ESCO1: variants seen among roughly 807,000 people sequenced by gnomAD.
The protein encoded by ESCO1 is N-acetyltransferase ESCO1.
In ESCO1, 33 loss-of-function variants were observed where a neutral mutation model predicts 83.5. The observed-to-expected ratio is 0.40, with a 90% CI of 0.30 to 0.53. The LOEUF is 0.53. Among genes scored for constraint, ESCO1 ranks in the 20% least tolerant of loss-of-function variants. The pLI, the probability that ESCO1 is intolerant of heterozygous loss-of-function variation, is 0.63. For synonymous variants in ESCO1, 332 were observed against 324.3 expected (o/e 1.02, Z -0.25); for missense variants, 855 against 968.0 (o/e 0.88, Z 1.55).
In ESCO1 at chr18:21,539,005, C is replaced by A. The variant is rs117760444; in HGVS notation, c.2043+915G>T. Among the ~76,000 whole-genome samples the A allele has an allele frequency of 7.1e-3, 1,081 of 151,940 alleles. 8 individuals are homozygous for A. The Middle Eastern group carries it at 0.075, about 11-fold the overall frequency. On this transcript the variant is annotated intron_variant, in intron 9 of 11. Transcript: ENST00000269214. ...ATTCATTATCTGGTTCACTTCTCAA[C>A]ACAATAAACTCTCTGAACACTTGAA...
At chr18:21,543,266 T>C (rs1234921784) in intron 8 of ESCO1, among the ~76,000 whole-genome samples, 1 of 152,182 alleles carries the variant, frequency 6.6e-6, no homozygotes, top group Non-Finnish European at 1.5e-5. Flanking sequence ...GCAATTCTCC[T>C]GCCTCAGCCT....
At chr18:21,566,793 G>A (rs2038267509) in intron 5 of ESCO1, among the ~76,000 whole-genome samples, 1 of 151,568 alleles carries the variant, frequency 6.6e-6, no homozygotes, top group African/African-American at 2.4e-5. Flanking sequence ...CTGGGAGGCA[G>A]AGGTGGCAGT....
At chr18:21,595,364 C>CAAAA (rs781532392) in intron 1 of ESCO1, among the ~76,000 whole-genome samples, 3 of 43,738 alleles carry the variant, frequency 6.9e-5, no homozygotes, top group Admixed American at 2.5e-4. Flanking sequence ...AACTCCGTCT[C>CAAAA]AAAAAAAAAA....
chr18:21,547,798 A>C (rs1421192751), intron 8 of ESCO1, among the ~76,000 whole-genome samples: 1 of 152,210 alleles, frequency 6.6e-6, no homozygotes, highest in Non-Finnish European at 1.5e-5. Context: ...TAAAAGAAAA[A>C]TATTCATAGA....
chr18:21,530,508 G>A lies in ESCO1; in HGVS notation c.2376-18C>T. The A allele has an allele frequency of 2.8e-6, 4 of 1,428,788 alleles. No individual in the cohort carries two copies. Among genetic ancestry groups the A allele is most frequent in the Admixed American group, 2.3e-5 (1 of 44,234 alleles). The allele number at this position is 1,428,788 out of a possible 1,614,324, so 88.5% of individuals were successfully genotyped here. A position where few individuals can be genotyped will look rare whatever the true frequency, so the allele number is the denominator to read the frequency against. On this transcript the variant is annotated intron_variant, in intron 11 of 11. Transcript: ENST00000269214. ...AGTTACTCCTATTAAAAAAAAATGG[G>A]GGGGGGGAAGGGTTAAGTGTGAAAT... is the stretch of plus-strand genomic sequence containing the variant.
At chr18:21,557,581 A>T (rs541658799) in intron 8 of ESCO1, among the ~76,000 whole-genome samples, 2 of 152,356 alleles carry the variant, frequency 1.3e-5, no homozygotes, top group East Asian at 3.9e-4. Flanking sequence ...CTAAACTTGA[A>T]GGAAAGGGCA....
At chr18:21,584,095 G>T (rs897080229) in intron 2 of ESCO1, among the ~76,000 whole-genome samples, 2 of 152,160 alleles carry the variant, frequency 1.3e-5, no homozygotes, top group African/African-American at 4.8e-5. Context: ...TAATAGTGAT[G>T]ATTTCTAAAC....
intron 5 of ESCO1, among the ~76,000 whole-genome samples, 182 bp from the exon 6 acceptor site, chr18:21,566,388 G>T (rs1201453750): frequency 6.6e-6 from 1 of 152,170 alleles, no homozygotes; most frequent in Non-Finnish European, 1.5e-5. Flanking sequence ...ACAAAAGGCA[G>T]AAAGGCTGTC....
At chr18:21,546,329 C>G (rs1296823100) in intron 8 of ESCO1, among the ~76,000 whole-genome samples, 1 of 152,006 alleles carries the variant, frequency 6.6e-6, no homozygotes, top group East Asian at 1.9e-4. Context: ...AGGAGGATCA[C>G]TTGAGCCCAG....
intron 1 of ESCO1, among the ~76,000 whole-genome samples, chr18:21,590,782 C>A (rs1478435875): frequency 6.6e-6 from 1 of 151,678 alleles, no homozygotes; most frequent in Non-Finnish European, 1.5e-5. Context: ...ACCATCTCTA[C>A]TAAAAATACA....
At chr18:21,546,467 AG>A (rs1207549665) in intron 8 of ESCO1, among the ~76,000 whole-genome samples, 1 of 152,242 alleles carries the variant, frequency 6.6e-6, no homozygotes, top group African/African-American at 2.4e-5. Context: ...TGTTGACCAT[AG>A]GGCCTAGCAC....
At chr18:21,588,442 C>CT (rs1469192510) in intron 1 of ESCO1, among the ~76,000 whole-genome samples, 2 of 144,650 alleles carry the variant, frequency 1.4e-5, no homozygotes, top group Non-Finnish European at 3.1e-5. Flanking sequence ...TTACTTTACT[C>CT]TAAAAAAAAA....
intron 7 of ESCO1, among the ~76,000 whole-genome samples, chr18:21,561,369 G>A (rs1029517508): frequency 2.0e-5 from 3 of 152,070 alleles, no homozygotes; most frequent in African/African-American, 4.8e-5. Context: ...AGGGTCTCAC[G>A]GTCTCACTGT....
intron 1 of ESCO1, among the ~76,000 whole-genome samples, chr18:21,599,839 T>C (rs1163068168): frequency 6.6e-6 from 1 of 152,148 alleles, no homozygotes; most frequent in Admixed American, 6.6e-5. Flanking sequence ...GGACTTGCTA[T>C]CCCATTCTGC....
At chr18:21,592,564 C>CA (rs1455121309) in intron 1 of ESCO1, among the ~76,000 whole-genome samples, 1 of 148,046 alleles carries the variant, frequency 6.8e-6, no homozygotes, top group Non-Finnish European at 1.5e-5. Context: ...GCTGACCCCC[C>CA]ACCTCCCTCC....
At chr18:21,577,096 T>C (rs920023101) in intron 2 of ESCO1, among the ~76,000 whole-genome samples, 1 of 150,984 alleles carries the variant, frequency 6.6e-6, no homozygotes, top group African/African-American at 2.4e-5. Context: ...GGCTCAGGCC[T>C]GTAATCCCAA....
intron 4 of ESCO1, among the ~76,000 whole-genome samples, chr18:21,572,857 G>A (rs762155984): frequency 1.6e-4 from 24 of 152,028 alleles, no homozygotes; most frequent in Non-Finnish European, 2.5e-4. Flanking sequence ...CCAGCTACTC[G>A]GGAGGCTGAG....
intron 8 of ESCO1, chr18:21,540,701 C>T (rs757699976): frequency 7.8e-7 from 1 of 1,274,068 alleles, no homozygotes; most frequent in East Asian, 5.3e-5. Flanking sequence ...TGAGCAGAAC[C>T]TGCATAAAAA....
chr18:21,577,033 C>CA (rs58379125), intron 2 of ESCO1, among the ~76,000 whole-genome samples: 225 of 129,034 alleles, frequency 1.7e-3, no homozygotes, highest in East Asian at 0.015. Context: ...ACTCTTGTCT[C>CA]AAAAAAAAAA....
Sources: gnomAD v4.1 joint callset for allele counts (sites outside exome capture counted in the v4.1 genomes callset) on GRCh38, gnomAD v4.1.1 for gene constraint, MANE v1.5 for transcripts, NCBI Gene and HGNC (gene_info 2026-07-23, HGNC 2026-07-21) for gene names.